Variants in ENOX1 observed in about 807,000 individuals in gnomAD.
ENOX1 encodes the protein candidate growth-related and time keeping constitutive hydroquinone (NADH) oxidase.
Under a neutral mutation model 82.5 loss-of-function variants are expected in ENOX1, and 42 were observed. The observed-to-expected ratio is 0.51, with a 90% CI of 0.40 to 0.66. The LOEUF is 0.66. Ranked by LOEUF, ENOX1 falls within the 30% of genes least tolerant of loss-of-function variation. The pLI is 0.00. For synonymous variants in ENOX1, 271 were observed against 282.2 expected (o/e 0.96, Z 0.40); for missense variants, 608 against 811.6 (o/e 0.75, Z 3.05).
intron 1 of ENOX1, among the ~76,000 whole-genome samples, chr13:43,750,439 C>T (rs1285896179): frequency 1.3e-5 from 2 of 152,134 alleles, no homozygotes; most frequent in African/African-American, 4.8e-5. Context: ...CAGCAGGGGG[C>T]TTTTCAAAAC....
At chr13:43,602,600 A>G (rs1473054734) in intron 2 of ENOX1, among the ~76,000 whole-genome samples, 3 of 152,194 alleles carry the variant, frequency 2.0e-5, no homozygotes, top group Non-Finnish European at 2.9e-5. Context: ...GGAAATATAA[A>G]TTGGACTAAC....
At position 43,356,044 on chromosome 13, in the gene ENOX1, C is replaced by G. The variant is rs150957917; in HGVS notation, c.698G>C (p.Arg233Thr). 2 of 1,614,086 alleles carry G rather than the reference C, an allele frequency of 1.2e-6. No individual in the cohort carries two copies. The highest frequency in any genetic ancestry group is 1.3e-5 in the African/African-American group (1 of 74,946). Reference sequence around the variant, plus strand: ...GTGCCGCTCCTCCCGGGCACGCATCCTCTGCTTGCATTCCCACTCATAGAA... The same window carrying G: ...GTGCCGCTCCTCCCGGGCACGCATCGTCTGCTTGCATTCCCACTCATAGAA... ...DDFYEWECKQ[R>T]MRAREERHRR... Residue 233 changes from arginine to threonine, a missense_variant, in exon 8 of 17, where the codon AGG (arginine) becomes ACG (threonine). By Grantham distance (71) the Arg-to-Thr change is moderately conservative (BLOSUM62 -1). Transcript: ENST00000690772.
At chr13:43,631,109 A>T (rs1413769836) in intron 2 of ENOX1, among the ~76,000 whole-genome samples, 2 of 152,230 alleles carry the variant, frequency 1.3e-5, no homozygotes, top group African/African-American at 4.8e-5. Context: ...TGAAGGTGCC[A>T]TAACTTAAAC....
At chr13:43,506,115 C>T (rs1316787832) in intron 2 of ENOX1, among the ~76,000 whole-genome samples, 1 of 151,984 alleles carries the variant, frequency 6.6e-6, no homozygotes, top group African/African-American at 2.4e-5. Context: ...GTCTATATCT[C>T]TGTTTTGGTA....
intron 2 of ENOX1, among the ~76,000 whole-genome samples, chr13:43,620,851 G>A (rs1317291235): frequency 6.6e-6 from 1 of 152,100 alleles, no homozygotes; most frequent in East Asian, 1.9e-4. Flanking sequence ...GAGTATTGAA[G>A]TCCCACACTA....
intron 3 of ENOX1, among the ~76,000 whole-genome samples, chr13:43,413,557 C>G (rs1453947208): frequency 6.6e-6 from 1 of 151,510 alleles, no homozygotes; most frequent in Non-Finnish European, 1.5e-5. Context: ...GGCATGCTGT[C>G]CATAAAGGAA....
intron 3 of ENOX1, 100 bp from the exon 4 acceptor site, chr13:43,413,088 C>A: frequency 8.2e-7 from 1 of 1,216,872 alleles, no homozygotes; most frequent in African/African-American, 1.6e-5. Context: ...AAAACAAAGA[C>A]CGATTTCCAG....
At chr13:43,622,013 T>C (rs1278284744) in intron 2 of ENOX1, among the ~76,000 whole-genome samples, 1 of 152,192 alleles carries the variant, frequency 6.6e-6, no homozygotes. Context: ...CTTCGAGCTG[T>C]GAGTTTCTTT....
At chr13:43,475,794 C>CAAAAAAAAAAAA (rs10624980) in intron 3 of ENOX1, among the ~76,000 whole-genome samples, 19 of 70,924 alleles carry the variant, frequency 2.7e-4, no homozygotes, top group East Asian at 1.0e-3. Context: ...CATAACTGAC[C>CAAAAAAAAAAAA]AAAAAAAAAA....
At chr13:43,237,598 T>C (rs1207037205) in intron 14 of ENOX1, among the ~76,000 whole-genome samples, 2 of 152,146 alleles carry the variant, frequency 1.3e-5, no homozygotes, top group African/African-American at 2.4e-5. Context: ...GCAGGGATGA[T>C]AGAGAACAGG....
At chr13:43,745,916 G>T (rs146619404) in intron 1 of ENOX1, among the ~76,000 whole-genome samples, 6 of 152,230 alleles carry the variant, frequency 3.9e-5, no homozygotes, top group African/African-American at 1.4e-4. Context: ...CGCCATGATT[G>T]TAAGTTTCCT....
At chr13:43,558,052 GAGC>G in intron 2 of ENOX1, among the ~76,000 whole-genome samples, 1 of 152,174 alleles carries the variant, frequency 6.6e-6, no homozygotes, top group Non-Finnish European at 1.5e-5. Context: ...CCATCCATGA[GAGC>G]TGCACCATGA....
intron 2 of ENOX1, among the ~76,000 whole-genome samples, chr13:43,541,199 G>C: frequency 4.6e-5 from 1 of 21,664 alleles, no homozygotes; most frequent in African/African-American, 1.4e-4. Context: ...TTTTTTTTTT[G>C]CTAAAAATGA....
At chr13:43,660,383 ATCAG>A (rs1255483730) in intron 2 of ENOX1, among the ~76,000 whole-genome samples, 1 of 152,204 alleles carries the variant, frequency 6.6e-6, no homozygotes, top group Non-Finnish European at 1.5e-5. Context: ...TCTGAAAATG[ATCAG>A]TCAGTCTTTA....
At chr13:43,664,511 G>C (rs1594319003) in intron 2 of ENOX1, among the ~76,000 whole-genome samples, 1 of 152,312 alleles carries the variant, frequency 6.6e-6, no homozygotes, top group African/African-American at 2.4e-5. Flanking sequence ...TGAATTACTA[G>C]AATATAATTG....
chr13:43,418,280 C>A (rs1312704364), intron 3 of ENOX1, among the ~76,000 whole-genome samples: 1 of 152,200 alleles, frequency 6.6e-6, no homozygotes, highest in African/African-American at 2.4e-5. Flanking sequence ...GTAATCCCAG[C>A]ACTTTGGGAG....
intron 1 of ENOX1, among the ~76,000 whole-genome samples, chr13:43,771,716 A>G (rs1031079663): frequency 2.6e-5 from 4 of 152,082 alleles, no homozygotes; most frequent in African/African-American, 9.7e-5. Flanking sequence ...AATCTTCCCA[A>G]AAAGTTCTCA....
intron 2 of ENOX1, among the ~76,000 whole-genome samples, chr13:43,616,508 T>C (rs1200613874): frequency 2.0e-5 from 3 of 151,762 alleles, no homozygotes; most frequent in Admixed American, 2.0e-4. Context: ...AGCCGACATA[T>C]AATATTTTTA....
At chr13:43,744,708 A>T (rs1949927096) in intron 1 of ENOX1, among the ~76,000 whole-genome samples, 1 of 152,230 alleles carries the variant, frequency 6.6e-6, no homozygotes, top group South Asian at 2.1e-4. Flanking sequence ...TTATTAAAGT[A>T]TGTTTATACA....
Sources: allele counts gnomAD v4.1 joint callset (sites outside exome capture counted in the v4.1 genomes callset), GRCh38; gene constraint gnomAD v4.1.1; transcripts MANE v1.5; gene names NCBI Gene and HGNC (gene_info 2026-07-23, HGNC 2026-07-21).